The following SORCS1 variants were observed in gnomAD, a reference collection of about 807,000 sequenced individuals.
The protein encoded by SORCS1 is sortilin related VPS10 domain containing receptor 1, also known as VPS10 domain-containing receptor SorCS1.
In SORCS1, 60 loss-of-function variants were observed where a neutral mutation model predicts 146.1. The ratio of observed to expected loss-of-function variants is 0.41; its 90% CI spans 0.33 to 0.51. SORCS1 has a LOEUF of 0.51. SORCS1 is among the 20% of genes least tolerant of loss of function. The probability of loss-of-function intolerance (pLI) is 0.21; values close to 1 mark genes in which losing one functional copy is unlikely to be tolerated. For synonymous variants in SORCS1, 637 were observed against 584.0 expected, an observed-to-expected ratio of 1.09 and a Z score of -1.31; for missense variants, 1,352 against 1,487.6, an observed-to-expected ratio of 0.91 and a Z score of 1.50.
chr10:106,860,780 G>A lies in SORCS1; in HGVS notation c.627-31107C>T, dbSNP rs144231248. On this transcript the variant is annotated intron_variant, in intron 2 of 25. Coordinates refer to ENST00000263054, the MANE Select transcript of SORCS1 (RefSeq NM_052918.5). ...GGAGCTCCCAGAACTTACATCACCT[G>A]CCTTCCAAACAACGAACCACTGCTG... 1.1e-3 allele frequency among the ~76,000 whole-genome samples: 161 copies of A among 152,298 alleles called. 2 individuals carry two copies. The highest frequency in any genetic ancestry group is 3.8e-3 in the African/African-American group (158 of 41,554).
At chr10:106,837,261 A>G (rs1189647713) in intron 2 of SORCS1, among the ~76,000 whole-genome samples, 1 of 152,146 alleles carries the variant, frequency 6.6e-6, no homozygotes, top group Non-Finnish European at 1.5e-5. Flanking sequence ...CACCATGACA[A>G]TGACTGGAGC....
chr10:106,711,569 C>T (rs1854993147), intron 6 of SORCS1, among the ~76,000 whole-genome samples: 1 of 152,196 alleles, frequency 6.6e-6, no homozygotes, highest in Non-Finnish European at 1.5e-5. Context: ...TTCTGATAAC[C>T]TCTCAGTAGA....
At chr10:107,172,571 A>G in the SORCS1 span, among the ~76,000 whole-genome samples, 1 of 152,200 alleles carries the variant, frequency 6.6e-6, no homozygotes, top group Non-Finnish European at 1.5e-5. Flanking sequence ...TTAGACTGCA[A>G]ACTCCTGTAG....
At chr10:107,069,319 C>A (rs761418608) in intron 1 of SORCS1, among the ~76,000 whole-genome samples, 15 of 152,140 alleles carry the variant, frequency 9.9e-5, no homozygotes, top group Non-Finnish European at 1.6e-4. Context: ...TTCTGAAATT[C>A]TGCTGCAGAC....
chr10:106,833,459 T>A (rs965276060), intron 2 of SORCS1, among the ~76,000 whole-genome samples: 2 of 152,150 alleles, frequency 1.3e-5, no homozygotes, highest in African/African-American at 4.8e-5. Context: ...CGGCGTACAT[T>A]GGTATGGTGG....
chr10:106,989,687 T>G (rs1302246340), intron 1 of SORCS1, among the ~76,000 whole-genome samples: 33 of 137,294 alleles, frequency 2.4e-4, no homozygotes, highest in African/African-American at 9.8e-4. Flanking sequence ...TTTGTTTTTT[T>G]TTTTTTTTTT....
In SORCS1 at chr10:106,742,230, G is replaced by A. The variant is rs1312255822; in HGVS notation, c.960-12116C>T. On this transcript the variant is annotated intron_variant, in intron 5 of 25. Coordinates refer to ENST00000263054, the MANE Select transcript of SORCS1 (RefSeq NM_052918.5). ...AGTATCCCTTATCTGAAGTACTTGG[G>A]ACCAGAAGGTTTCAGATTTTGGATT... 2.6e-5 allele frequency among the ~76,000 whole-genome samples: 4 copies of A among 152,132 alleles called. No individual in the cohort carries two copies. In the East Asian group the frequency reaches 7.7e-4, roughly 29 times the overall value.
chr10:106,592,924 G>C (rs1845693473), intron 24 of SORCS1, among the ~76,000 whole-genome samples: 1 of 151,920 alleles, frequency 6.6e-6, no homozygotes, highest in Admixed American at 6.6e-5. Context: ...GATCACTTGA[G>C]CTCAGGAGTT....
chr10:106,954,559 A>T (rs1954844165), intron 2 of SORCS1, among the ~76,000 whole-genome samples: 1 of 152,062 alleles, frequency 6.6e-6, no homozygotes, highest in African/African-American at 2.4e-5. Context: ...GTTGGGTTTC[A>T]TTGGGGGCTT....
At chr10:107,094,540 C>T (rs1361706797) in intron 1 of SORCS1, among the ~76,000 whole-genome samples, 1 of 152,120 alleles carries the variant, frequency 6.6e-6, no homozygotes, top group Non-Finnish European at 1.5e-5. Context: ...AAAAATTATT[C>T]ACCTATGACT....
chr10:106,743,933 T>C (rs1857533434), intron 5 of SORCS1, among the ~76,000 whole-genome samples: 1 of 152,206 alleles, frequency 6.6e-6, no homozygotes, highest in African/African-American at 2.4e-5. Context: ...AGTGTTCGTG[T>C]AGGCACTCCT....
At chr10:106,586,045 T>C (rs1343210890) in intron 24 of SORCS1, among the ~76,000 whole-genome samples, 1 of 152,182 alleles carries the variant, frequency 6.6e-6, no homozygotes, top group Non-Finnish European at 1.5e-5. Flanking sequence ...GCCACTGAAC[T>C]TCTAGGTGGT....
chr10:107,006,578 G>A (rs565712437), intron 1 of SORCS1, among the ~76,000 whole-genome samples: 1 of 152,312 alleles, frequency 6.6e-6, no homozygotes, highest in Non-Finnish European at 1.5e-5. Flanking sequence ...AGCACTTTGG[G>A]AGGCCGAGGC....
intron 23 of SORCS1, among the ~76,000 whole-genome samples, chr10:106,602,640 G>A (rs1846322467): frequency 6.6e-6 from 1 of 151,806 alleles, no homozygotes; most frequent in South Asian, 2.1e-4. Flanking sequence ...ATAAATATGT[G>A]TTTCCTTTGG....
intron 1 of SORCS1, among the ~76,000 whole-genome samples, chr10:107,112,468 G>A (rs941013754): frequency 2.6e-5 from 4 of 151,826 alleles, no homozygotes; most frequent in Non-Finnish European, 5.9e-5. Flanking sequence ...AACAGCAAGA[G>A]TGGAAGAAAG....
intron 1 of SORCS1, among the ~76,000 whole-genome samples, chr10:107,136,528 TAGAG>T (rs1184172645): frequency 1.3e-5 from 2 of 151,998 alleles, no homozygotes; most frequent in Admixed American, 1.3e-4. Flanking sequence ...AAACAAGGCT[TAGAG>T]AGGGAAAATG....
rs763418418 is a variant in SORCS1 at position 106,671,417 on chromosome 10, C to G, written c.2059-50G>C. The stretch of plus-strand genomic sequence containing the variant: ...TACTTGGGCACATAGCTTGGACTTT[C>G]TCTGCTCCACATGAGTGACATTTAG... On this transcript the variant is annotated intron_variant, in intron 15 of 25. Transcript: ENST00000263054. 7 of 1,609,758 alleles carry G rather than the reference C, an allele frequency of 4.3e-6. No individual in the cohort carries two copies. The South Asian group carries it at 7.7e-5, about 18-fold the overall frequency.
intron 3 of SORCS1, among the ~76,000 whole-genome samples, chr10:106,810,900 G>C (rs557563667): frequency 6.6e-6 from 1 of 151,256 alleles, no homozygotes; most frequent in South Asian, 2.1e-4. Context: ...CATGAGGCTA[G>C]TTTTTATGTC....
intron 17 of SORCS1, among the ~76,000 whole-genome samples, chr10:106,660,883 C>T (rs945378556): frequency 1.9e-4 from 29 of 152,024 alleles, no homozygotes; most frequent in African/African-American, 5.8e-4. Context: ...AATTTCTAAA[C>T]GTACTTTATA....
Sources: gnomAD v4.1 joint callset for allele counts (sites outside exome capture counted in the v4.1 genomes callset) on GRCh38, gnomAD v4.1.1 for gene constraint, MANE v1.5 for transcripts, NCBI Gene and HGNC (gene_info 2026-07-23, HGNC 2026-07-21) for gene names.